The following NR3C1 variants were observed in gnomAD, a reference collection of about 807,000 sequenced individuals.
The protein encoded by NR3C1 is nuclear receptor subfamily 3 group C member 1.
Under a neutral mutation model 74.0 loss-of-function variants are expected in NR3C1, and 14 were observed. The observed-to-expected ratio is 0.19, with a 90% CI of 0.12 to 0.30. NR3C1 has a LOEUF of 0.30. Among genes scored for constraint, NR3C1 ranks in the 10% least tolerant of loss-of-function variants. The probability of loss-of-function intolerance (pLI) is 1.00; values close to 1 mark genes in which losing one functional copy is unlikely to be tolerated. For synonymous variants in NR3C1, 308 were observed against 332.5 expected (o/e 0.93, Z 0.80); for missense variants, 695 against 909.8 (o/e 0.76, Z 3.04).
At chr5:143,290,595 T>C (rs1815660796) in intron 7 of NR3C1, among the ~76,000 whole-genome samples, 1 of 152,186 alleles carries the variant, frequency 6.6e-6, no homozygotes, top group African/African-American at 2.4e-5. Flanking sequence ...TTTGAGACAG[T>C]GTCCCTCTGT....
chr5:143,402,853 G>A, intron 1 of NR3C1: 1 of 983,146 alleles, frequency 1.0e-6, no homozygotes, highest in Non-Finnish European at 1.2e-6. Flanking sequence ...CGGGTGTCGG[G>A]CGACCCCCTT....
intron 1 of NR3C1, among the ~76,000 whole-genome samples, chr5:143,424,696 G>C (rs1751441169): frequency 1.3e-5 from 2 of 152,120 alleles, no homozygotes; most frequent in African/African-American, 4.8e-5. Context: ...ATGAATGAGA[G>C]AGTTACTGAT....
At chr5:143,430,887 C>T (rs1026554846) in intron 1 of NR3C1, among the ~76,000 whole-genome samples, 2 of 152,172 alleles carry the variant, frequency 1.3e-5, no homozygotes, top group Non-Finnish European at 2.9e-5. Flanking sequence ...AAGTTCCCAC[C>T]GTGTTTAGGG....
At chr5:143,344,327 AACC>A (rs897644625) in intron 2 of NR3C1, among the ~76,000 whole-genome samples, 10 of 152,224 alleles carry the variant, frequency 6.6e-5, no homozygotes, top group Admixed American at 1.3e-4. Flanking sequence ...GAAACCAAAC[AACC>A]ACCACATCAA....
Position 143,337,032 on chromosome 5 carries a change from C to T in NR3C1, c.1185-22864G>A, listed in dbSNP as rs148879945. Among the ~76,000 whole-genome samples, 8 of 152,060 alleles carry T rather than the reference C, an allele frequency of 5.3e-5. No individual in the cohort carries two copies. In the East Asian group the frequency reaches 7.7e-4, roughly 15 times the overall value. On this transcript the variant is annotated intron_variant, in intron 2 of 8. Coordinates refer to ENST00000394464, the MANE Select transcript of NR3C1 (RefSeq NM_000176.3). ...ATATATACACACACGCACATGTGTGCGCACACACACATATATATCTCCTTA... is the reference window on the plus strand; with the variant it reads ...ATATATACACACACGCACATGTGTGTGCACACACACATATATATCTCCTTA...
chr5:143,381,157 T>TA (rs1406055427), intron 2 of NR3C1, among the ~76,000 whole-genome samples: 1 of 151,692 alleles, frequency 6.6e-6, no homozygotes, highest in Non-Finnish European at 1.5e-5. Flanking sequence ...GAGGACAATC[T>TA]AAAAAAGAAA....
intron 2 of NR3C1, among the ~76,000 whole-genome samples, chr5:143,330,143 G>C (rs957551037): frequency 6.6e-6 from 1 of 152,112 alleles, no homozygotes; most frequent in East Asian, 1.9e-4. Flanking sequence ...GAAAAGTAAC[G>C]TGTCTCTTCT....
At chr5:143,319,841 A>T (rs1822971764) in intron 2 of NR3C1, among the ~76,000 whole-genome samples, 1 of 152,200 alleles carries the variant, frequency 6.6e-6, no homozygotes, top group Non-Finnish European at 1.5e-5. Context: ...TAAAACCTAA[A>T]CTATGCTTAA....
At chr5:143,376,215 A>C (rs751033906) in intron 2 of NR3C1, among the ~76,000 whole-genome samples, 2 of 152,240 alleles carry the variant, frequency 1.3e-5, no homozygotes, top group Non-Finnish European at 2.9e-5. Flanking sequence ...GGAGAAATAC[A>C]TTGATGAGAT....
In NR3C1 at chr5:143,386,876, T is replaced by C. The variant is rs75667941; in HGVS notation, c.1184+12780A>G. On this transcript the variant is annotated intron_variant, in intron 2 of 8. Coordinates refer to ENST00000394464, the MANE Select transcript of NR3C1 (RefSeq NM_000176.3). ...TCCTCCAAAGGTTATGGAGAGTTCA[T>C]GTGGCTACCCACCATCTATCATCGT... Among the ~76,000 whole-genome samples the C allele has an allele frequency of 2.5e-3, 379 of 152,360 alleles. 2 individuals are homozygous for C. The highest frequency in any genetic ancestry group is 8.7e-3 in the African/African-American group (361 of 41,586).
intron 2 of NR3C1, among the ~76,000 whole-genome samples, chr5:143,330,404 C>CT (rs555572425): frequency 3.5e-4 from 54 of 152,178 alleles, no homozygotes; most frequent in Non-Finnish European, 6.6e-4. Context: ...TAATATTTTC[C>CT]TTTTTTCTAA....
rs145337235 is a variant in NR3C1, at chr5:143,289,583, T to G, written c.2023+5877A>C. Among the ~76,000 whole-genome samples, 155 of 152,324 alleles carry G rather than the reference T, an allele frequency of 1.0e-3. 3 individuals carry two copies. The East Asian group carries it at 0.022, about 22-fold the overall frequency. Reference sequence around the variant, plus strand: ...ACACTTTTGCTCATCTCTACATTTTTTTAAGAAAACTGTAAATGTAATCCA... The same window carrying G: ...ACACTTTTGCTCATCTCTACATTTTGTTAAGAAAACTGTAAATGTAATCCA... On this transcript the variant is annotated intron_variant, in intron 7 of 8. Coordinates refer to ENST00000394464, the MANE Select transcript of NR3C1 (RefSeq NM_000176.3).
chr5:143,402,378 G>A, intron 1 of NR3C1, among the ~76,000 whole-genome samples: 1 of 152,296 alleles, frequency 6.6e-6, no homozygotes, highest in East Asian at 1.9e-4. Context: ...GTCTTAAGTG[G>A]TATTACAAGG....
chr5:143,295,288 G>C (rs1297129151), intron 7 of NR3C1, 172 bp downstream of exon 7: 2 of 984,908 alleles, frequency 2.0e-6, no homozygotes, highest in East Asian at 1.1e-4. Context: ...TATTAATCTT[G>C]GTGTCACTTA....
chr5:143,403,362 G>A lies in NR3C1; in HGVS notation c.-165C>T. 4.1e-6 allele frequency: 4 copies of A among 985,484 alleles called. No individual in the cohort carries two copies. Among genetic ancestry groups the A allele is most frequent in the Non-Finnish European group, 4.8e-6 (4 of 829,974 alleles). The allele number at this position is 985,484 out of a possible 1,614,324, so 61.0% of individuals were successfully genotyped here. A position where few individuals can be genotyped will look rare whatever the true frequency, so the allele number is the denominator to read the frequency against. On this transcript the variant is annotated 5_prime_UTR_variant, in exon 1 of 9. Coordinates refer to ENST00000394464, the MANE Select transcript of NR3C1 (RefSeq NM_000176.3). ...TAAACAGCCGCCCCTTTCTCCATGG[G>A]TGGGGGGAGAGCCCCTATTTAAGAA...
intron 2 of NR3C1, among the ~76,000 whole-genome samples, chr5:143,363,235 T>C (rs1256250779): frequency 2.6e-5 from 4 of 152,096 alleles, no homozygotes; most frequent in Non-Finnish European, 5.9e-5. Flanking sequence ...TCAAAGAATA[T>C]AAAATTTACA....
At chr5:143,359,168 T>C (rs1188332813) in intron 2 of NR3C1, among the ~76,000 whole-genome samples, 1 of 152,190 alleles carries the variant, frequency 6.6e-6, no homozygotes, top group African/African-American at 2.4e-5. Context: ...TGTGTCCCCA[T>C]TAACAGCTCC....
rs1840063196 is a variant in NR3C1, at chr5:143,400,483, T to A, written c.357A>T (p.Leu119Phe). The A allele has an allele frequency of 6.2e-7, 1 of 1,614,128 alleles. No individual in the cohort carries two copies. The highest frequency in any genetic ancestry group is 8.5e-7 in the Non-Finnish European group (1 of 1,180,054). ...QISLSSGETDLKLLEESIANL... is the reference protein window; with the variant it reads ...QISLSSGETDFKLLEESIANL... ...TTGCAATGCTTTCTTCCAAAAGCTT[T>A]AAGTCTGTTTCCCCCGAGGAAAGGC... is the stretch of plus-strand genomic sequence containing the variant. Residue 119 changes from leucine to phenylalanine, a missense_variant, in exon 2 of 9, where the codon TTA (leucine) becomes TTT (phenylalanine). Coordinates refer to ENST00000394464, the MANE Select transcript of NR3C1 (RefSeq NM_000176.3).
intron 2 of NR3C1, among the ~76,000 whole-genome samples, chr5:143,346,352 C>T (rs544719411): frequency 9.2e-5 from 14 of 152,300 alleles, no homozygotes; most frequent in Admixed American, 5.9e-4. Flanking sequence ...GTCCTAGGAT[C>T]TCAAACCTTC....
Sources: allele counts gnomAD v4.1 joint callset (sites outside exome capture counted in the v4.1 genomes callset), GRCh38; gene constraint gnomAD v4.1.1; transcripts MANE v1.5; gene names NCBI Gene and HGNC (gene_info 2026-07-23, HGNC 2026-07-21).